UBE2E2: variants seen among roughly 807,000 people sequenced by gnomAD.
The protein encoded by UBE2E2 is ubiquitin-conjugating enzyme E2 E2.
A neutral mutation model predicts 24.7 loss-of-function variants in UBE2E2; 6 were observed. The ratio of observed to expected loss-of-function variants is 0.24; its 90% CI spans 0.13 to 0.48. UBE2E2 has a LOEUF of 0.48. UBE2E2 is among the 20% of genes least tolerant of loss of function. UBE2E2 has a pLI of 0.99. For synonymous variants in UBE2E2, 104 were observed against 83.6 expected, an observed-to-expected ratio of 1.24 and a Z score of -1.33; for missense variants, 169 against 245.0, an observed-to-expected ratio of 0.69 and a Z score of 2.07.
At chr3:23,468,471 A>T (rs1481175810) in intron 3 of UBE2E2, among the ~76,000 whole-genome samples, 1 of 152,254 alleles carries the variant, frequency 6.6e-6, no homozygotes, top group Non-Finnish European at 1.5e-5. Flanking sequence ...GTCTTAAAAT[A>T]AAAGCCCAAA....
At chr3:23,218,370 T>C (rs1042184394) in intron 3 of UBE2E2, among the ~76,000 whole-genome samples, 8 of 151,940 alleles carry the variant, frequency 5.3e-5, no homozygotes, top group African/African-American at 1.7e-4. Flanking sequence ...TAAAACCGTT[T>C]AACCTAAGAC....
In UBE2E2 at chr3:23,259,858, C is replaced by T. The variant is rs372106379; in HGVS notation, c.227+42546C>T. On this transcript the variant is annotated intron_variant, in intron 3 of 5. Coordinates refer to ENST00000396703, the MANE Select transcript of UBE2E2 (RefSeq NM_152653.4). ...AGCTTTGCCTATTAACTTTTCTCTG[C>T]TTTATAGTGTCAATAAGAGGTGTGG... Among the ~76,000 whole-genome samples the T allele has an allele frequency of 4.6e-5, 7 of 152,146 alleles. No homozygotes were observed. The East Asian group carries it at 1.2e-3, about 25-fold the overall frequency.
chr3:23,386,835 G>A (rs187652677), intron 3 of UBE2E2, among the ~76,000 whole-genome samples: 1 of 152,268 alleles, frequency 6.6e-6, no homozygotes, highest in Non-Finnish European at 1.5e-5. Context: ...TTATATTTTA[G>A]ATTTGCTGGC....
chr3:23,301,388 C>A (rs1699084394), intron 3 of UBE2E2, among the ~76,000 whole-genome samples: 1 of 152,160 alleles, frequency 6.6e-6, no homozygotes, highest in African/African-American at 2.4e-5. Flanking sequence ...TTTTTCTGCT[C>A]TGTTATTTTC....
At chr3:23,419,955 T>C (rs1453743300) in intron 3 of UBE2E2, among the ~76,000 whole-genome samples, 1 of 152,152 alleles carries the variant, frequency 6.6e-6, no homozygotes, top group Non-Finnish European at 1.5e-5. Flanking sequence ...GTTACTACTG[T>C]TGGGTGTGGG....
At chr3:23,351,175 C>G (rs12489408) in intron 3 of UBE2E2, among the ~76,000 whole-genome samples, 70,931 of 151,328 alleles carry the variant, frequency 0.47, 16,825 homozygotes, top group Admixed American at 0.57. Context: ...ACTTTACAGA[C>G]AAGCAAATGC....
At chr3:23,227,920 T>C (rs1696869095) in intron 3 of UBE2E2, among the ~76,000 whole-genome samples, 1 of 152,208 alleles carries the variant, frequency 6.6e-6, no homozygotes, top group Admixed American at 6.5e-5. Flanking sequence ...GCCAAGAGTA[T>C]GTTTTCTTTT....
intron 2 of UBE2E2, among the ~76,000 whole-genome samples, chr3:23,213,873 G>A (rs1696395530): frequency 6.6e-6 from 1 of 152,136 alleles, no homozygotes; most frequent in Non-Finnish European, 1.5e-5. Context: ...GACTGTAAGT[G>A]TGAATTATTG....
chr3:23,504,906 T>C (rs1694399871), intron 4 of UBE2E2, among the ~76,000 whole-genome samples: 1 of 133,496 alleles, frequency 7.5e-6, no homozygotes, highest in African/African-American at 3.0e-5. Flanking sequence ...GTTTCAGACA[T>C]TCTTTCTTTT....
chr3:23,475,921 G>A (rs989694142), intron 3 of UBE2E2, among the ~76,000 whole-genome samples: 1 of 152,094 alleles, frequency 6.6e-6, no homozygotes, highest in Non-Finnish European at 1.5e-5. Context: ...TTACACTAAA[G>A]ACAGCTAGTA....
intron 3 of UBE2E2, among the ~76,000 whole-genome samples, chr3:23,276,051 C>T (rs7630344): frequency 0.51 from 77,401 of 151,778 alleles, 20,127 homozygotes; most frequent in Admixed American, 0.63. Context: ...AAAGTAGAGA[C>T]AAGCCTATTT....
chr3:23,318,877 T>C (rs1293970244), intron 3 of UBE2E2, among the ~76,000 whole-genome samples: 2 of 152,214 alleles, frequency 1.3e-5, no homozygotes, highest in Non-Finnish European at 1.5e-5. Flanking sequence ...ATTGGAAATA[T>C]ATCTGTGTAA....
chr3:23,524,162 GCTTA>G (rs1441221166), intron 4 of UBE2E2, among the ~76,000 whole-genome samples: 2 of 152,014 alleles, frequency 1.3e-5, no homozygotes, highest in South Asian at 2.1e-4. Flanking sequence ...TCTTGGAGGT[GCTTA>G]CTTTTAAACA....
chr3:23,341,022 A>G (rs1206856940), intron 3 of UBE2E2, among the ~76,000 whole-genome samples: 1 of 152,178 alleles, frequency 6.6e-6, no homozygotes, highest in Non-Finnish European at 1.5e-5. Flanking sequence ...GATCTTTGCC[A>G]CAAAAATGAT....
At chr3:23,219,336 A>G (rs1696563425) in intron 3 of UBE2E2, among the ~76,000 whole-genome samples, 1 of 152,136 alleles carries the variant, frequency 6.6e-6, no homozygotes, top group Non-Finnish European at 1.5e-5. Flanking sequence ...GTTACTTAAT[A>G]TGGATGTTTG....
chr3:23,302,416 A>G (rs1575545956), intron 3 of UBE2E2, among the ~76,000 whole-genome samples: 2 of 152,258 alleles, frequency 1.3e-5, no homozygotes, highest in East Asian at 3.9e-4. Flanking sequence ...CACCACTAAA[A>G]TAGCTTCATT....
intron 3 of UBE2E2, among the ~76,000 whole-genome samples, chr3:23,350,429 A>G (rs1448816974): frequency 6.6e-6 from 1 of 152,234 alleles, no homozygotes; most frequent in African/African-American, 2.4e-5. Flanking sequence ...CAGACAATCA[A>G]ACTACTCCGA....
Position 23,203,505 on chromosome 3 carries a change from G to A in UBE2E2, c.-9+41G>A. The A allele has an allele frequency of 2.1e-6, 2 of 962,988 alleles. 1 individual carries two copies. The highest frequency in any genetic ancestry group is 9.7e-5 in the South Asian group (2 of 20,550). The allele number at this position is 962,988 out of a possible 1,614,324, so 59.7% of individuals were successfully genotyped here. A position where few individuals can be genotyped will look rare whatever the true frequency, so the allele number is the denominator to read the frequency against. ...GCGCCGGTGCCTCCCCTCCTCGGGC[G>A]TCCTCCCTCTCGCTGACGTCCTCCT... On this transcript the variant is annotated intron_variant, in intron 1 of 5. Transcript: ENST00000396703.
intron 4 of UBE2E2, among the ~76,000 whole-genome samples, chr3:23,510,399 G>A (rs1462686004): frequency 2.6e-5 from 4 of 152,166 alleles, no homozygotes; most frequent in African/African-American, 9.7e-5. Flanking sequence ...TTGAGGTTAG[G>A]AGTTTGAGCC....
Sources: gnomAD v4.1 joint callset for allele counts (sites outside exome capture counted in the v4.1 genomes callset) on GRCh38, gnomAD v4.1.1 for gene constraint, MANE v1.5 for transcripts, NCBI Gene and HGNC (gene_info 2026-07-23, HGNC 2026-07-21) for gene names.